Variants in PIGU observed in about 807,000 individuals in gnomAD.
PIGU encodes the protein phosphatidylinositol glycan anchor biosynthesis class U.
Under a neutral mutation model 49.9 loss-of-function variants are expected in PIGU, and 24 were observed. The ratio of observed to expected loss-of-function variants is 0.48; its 90% confidence interval spans 0.35 to 0.68. The LOEUF (loss-of-function observed/expected upper bound fraction) is 0.68, where lower values mean the gene tolerates loss of function less well. Ranked by LOEUF, PIGU falls within the 30% of genes least tolerant of loss-of-function variation. The pLI, the probability that PIGU is intolerant of heterozygous loss-of-function variation, is 0.01. For missense variants in PIGU, 490 were observed against 532.6 expected, an observed-to-expected ratio of 0.92 and a Z score of 0.79; for synonymous variants, 220 against 205.7, an observed-to-expected ratio of 1.07 and a Z score of -0.59.
chr20:34,625,512 GA>G (rs1204176184), intron 6 of PIGU, among the ~76,000 whole-genome samples: 2 of 151,522 alleles, frequency 1.3e-5, no homozygotes, highest in Non-Finnish European at 2.9e-5. Context: ...ACATAGTTGA[GA>G]TTCATTAAAA....
intron 7 of PIGU, among the ~76,000 whole-genome samples, chr20:34,600,182 G>A (rs1305134778): frequency 1.3e-5 from 2 of 152,096 alleles, no homozygotes; most frequent in South Asian, 2.1e-4. Context: ...CGAGGCGGGC[G>A]GGTCACTTGA....
chr20:34,572,434 G>A (rs1983052963), intron 11 of PIGU, among the ~76,000 whole-genome samples: 1 of 151,968 alleles, frequency 6.6e-6, no homozygotes, highest in African/African-American at 2.4e-5. Context: ...ATCACTTGAG[G>A]TCAGGAGTTC....
chr20:34,606,056 C>A (rs1482056097), intron 7 of PIGU, among the ~76,000 whole-genome samples: 1 of 151,920 alleles, frequency 6.6e-6, no homozygotes, highest in Admixed American at 6.6e-5. Context: ...GAGATCGAGA[C>A]CATCCTGGCC....
In PIGU at chr20:34,594,985, G is replaced by A. The variant is rs564471320; in HGVS notation, c.628-6378C>T. On this transcript the variant is annotated intron_variant, in intron 7 of 11. Transcript: ENST00000217446. ...GGGGCGCCTGTAGTCCTAGCTACTCGGGAGGCCGAGGCAGGAGAATGGCAT... is the reference window on the plus strand; with the variant it reads ...GGGGCGCCTGTAGTCCTAGCTACTCAGGAGGCCGAGGCAGGAGAATGGCAT... 7.9e-5 allele frequency among the ~76,000 whole-genome samples: 12 copies of A among 151,420 alleles called. 1 individual carries two copies. The South Asian group carries it at 2.3e-3, about 29-fold the overall frequency.
chr20:34,616,206 CTCTCAACACAAAACTT>C, intron 6 of PIGU, 67 bp from the exon 7 acceptor site: 1 of 1,539,614 alleles, frequency 6.5e-7, no homozygotes, highest in Non-Finnish European at 8.8e-7. Flanking sequence ...CAGCAAGTCC[CTCTCAACACAAAACTT>C]TCCATAACTG....
intron 7 of PIGU, among the ~76,000 whole-genome samples, chr20:34,590,571 C>CGTAAT (rs1983915889): frequency 1.4e-5 from 2 of 140,428 alleles, no homozygotes; most frequent in African/African-American, 5.5e-5. Flanking sequence ...AATAAAATAG[C>CGTAAT]GTAACGTAAC....
chr20:34,659,313 C>T (rs1986849670), intron 1 of PIGU, among the ~76,000 whole-genome samples: 2 of 147,020 alleles, frequency 1.4e-5, no homozygotes, highest in Admixed American at 6.7e-5. Context: ...GGGGGTCAGC[C>T]CCCCGCCCGG....
chr20:34,650,700 C>CTTTTTTTTTTTTTTT lies in PIGU; in HGVS notation c.196-5381_196-5367dup, dbSNP rs59998699. Among the ~76,000 whole-genome samples the CTTTTTTTTTTTTTTT allele has an allele frequency of 6.5e-3, 254 of 38,796 alleles. 56 individuals carry two copies. Among genetic ancestry groups the CTTTTTTTTTTTTTTT allele is most frequent in the East Asian group, 0.016 (18 of 1,096 alleles). 25.5% of individuals were successfully genotyped at this position (38,796 alleles called of 152,430 possible). Reference sequence around the variant, plus strand: ...AATTTTTTTCCTTTTCTTTTTTTCTCTTTTTTTTTTTTTTTTTTTTTTTTT... The same window carrying CTTTTTTTTTTTTTTT: ...AATTTTTTTCCTTTTCTTTTTTTCTCTTTTTTTTTTTTTTTTTTTTTTTTTTTTTTTTTTTTTTTT... On this transcript the variant is annotated intron_variant, in intron 2 of 11. Coordinates refer to ENST00000217446, the MANE Select transcript of PIGU (RefSeq NM_080476.5).
At chr20:34,649,009 A>G (rs1321932140) in intron 2 of PIGU, among the ~76,000 whole-genome samples, 1 of 152,088 alleles carries the variant, frequency 6.6e-6, no homozygotes, top group East Asian at 1.9e-4. Flanking sequence ...CTGGGACTAC[A>G]GGCACGTGCC....
chr20:34,660,697 A>C (rs900915642), intron 1 of PIGU, among the ~76,000 whole-genome samples: 2 of 152,222 alleles, frequency 1.3e-5, no homozygotes, highest in African/African-American at 4.8e-5. Flanking sequence ...TATTAAGCCT[A>C]TGTACAACTA....
intron 6 of PIGU, among the ~76,000 whole-genome samples, chr20:34,621,088 A>G (rs1204600629): frequency 1.3e-5 from 2 of 151,554 alleles, no homozygotes; most frequent in Non-Finnish European, 2.9e-5. Flanking sequence ...AATAATCTGC[A>G]TATGTTTCTC....
chr20:34,635,877 A>G (rs1004944186), intron 5 of PIGU, among the ~76,000 whole-genome samples: 2 of 148,208 alleles, frequency 1.3e-5, no homozygotes, highest in African/African-American at 2.5e-5. Context: ...CTCAGTCTCA[A>G]AAAAAAAAAA....
At chr20:34,629,378 A>T (rs966081689) in intron 6 of PIGU, among the ~76,000 whole-genome samples, 1 of 152,188 alleles carries the variant, frequency 6.6e-6, no homozygotes. Flanking sequence ...CAGGAACTTA[A>T]AAAGTGCATG....
chr20:34,670,180 T>C (rs1026789865), intron 1 of PIGU, among the ~76,000 whole-genome samples: 2 of 140,082 alleles, frequency 1.4e-5, no homozygotes, highest in African/African-American at 2.5e-5. Flanking sequence ...CTGTTTAATT[T>C]TGTAATAACG....
chr20:34,658,174 T>C (rs182757347), intron 1 of PIGU, among the ~76,000 whole-genome samples: 1 of 152,238 alleles, frequency 6.6e-6, no homozygotes, highest in African/African-American at 2.4e-5. Flanking sequence ...CGTATTTTTT[T>C]GGTGGAGACG....
intron 7 of PIGU, among the ~76,000 whole-genome samples, chr20:34,589,126 C>T (rs1983836821): frequency 6.6e-6 from 1 of 150,998 alleles, no homozygotes; most frequent in Non-Finnish European, 1.5e-5. Context: ...CACACACACA[C>T]ACACACACAC....
intron 1 of PIGU, among the ~76,000 whole-genome samples, chr20:34,663,871 G>A (rs1166479940): frequency 2.6e-5 from 4 of 152,170 alleles, no homozygotes; most frequent in East Asian, 3.8e-4. Context: ...ACCAGTATGC[G>A]GCCGTCCAGG....
intron 6 of PIGU, among the ~76,000 whole-genome samples, chr20:34,620,593 C>T (rs910720492): frequency 2.0e-5 from 3 of 152,070 alleles, no homozygotes; most frequent in Admixed American, 6.6e-5. Flanking sequence ...GGGCGGATCA[C>T]GAGGTCGGGA....
chr20:34,579,125 A>T (rs1056136716), intron 10 of PIGU: 4 of 152,196 alleles, frequency 2.6e-5, no homozygotes, highest in African/African-American at 9.6e-5. Context: ...ACACGTGGGA[A>T]TATATTTTAT....
Sources: allele counts gnomAD v4.1 joint callset (sites outside exome capture counted in the v4.1 genomes callset), GRCh38; gene constraint gnomAD v4.1.1; transcripts MANE v1.5; gene names NCBI Gene and HGNC (gene_info 2026-07-23, HGNC 2026-07-21).